Variants in MKX observed in about 807,000 individuals in gnomAD.
The protein encoded by MKX is mohawk homeobox.
In MKX, 13 loss-of-function variants were observed where a neutral mutation model predicts 36.0. That is an observed-to-expected ratio of 0.36 (90% CI 0.24 to 0.57). The LOEUF (loss-of-function observed/expected upper bound fraction) is 0.57. Among genes scored for constraint, MKX ranks in the 20% least tolerant of loss-of-function variants. The pLI, the probability that MKX is intolerant of heterozygous loss-of-function variation, is 0.79. For synonymous variants in MKX, 176 were observed against 178.3 expected (o/e 0.99, Z 0.10); for missense variants, 458 against 456.4 (o/e 1.00, Z -0.03).
chr10:27,701,770 A>C (rs1381402156), intron 5 of MKX, among the ~76,000 whole-genome samples: 1 of 146,096 alleles, frequency 6.8e-6, no homozygotes, highest in Non-Finnish European at 1.5e-5. Context: ...TATAAATTAT[A>C]ATATAAATAT....
rs1173055752 is a variant in MKX, at chr10:27,718,324, T to C, written c.838+16132A>G. ...TTTAAATATGTACTTTATTGATATG[T>C]TTTCAAAATATGATAATCTTTTCCC... On this transcript the variant is annotated intron_variant, in intron 5 of 6. Transcript: ENST00000419761. 5.3e-5 allele frequency among the ~76,000 whole-genome samples: 8 copies of C among 152,354 alleles called. No individual in the cohort carries two copies. In the South Asian group the frequency reaches 1.2e-3, roughly 24 times the overall value.
chr10:27,741,306 G>A lies in MKX; in HGVS notation c.348+39C>T, dbSNP rs779680623. 5.6e-6 allele frequency: 9 copies of A among 1,605,928 alleles called. No homozygotes were observed. In the Admixed American group the frequency reaches 1.4e-4, roughly 25 times the overall value. ...AAGCGTTCCCGCTCTTCAGCCCCTC[G>A]CGGGAAAACGGATCAGGGTGTTAAT... On this transcript the variant is annotated intron_variant, in intron 3 of 6. Transcript: ENST00000419761. The surrounding 1 kb of genome is among the most constrained non-coding windows in gnomAD (Gnocchi z 5.1).
rs572152329 is a variant in MKX at position 27,695,911 on chromosome 10, A to G, written c.839-20357T>C. 2.0e-5 allele frequency among the ~76,000 whole-genome samples: 3 copies of G among 152,334 alleles called. No individual in the cohort carries two copies. The East Asian group carries it at 5.8e-4, about 29-fold the overall frequency. ...AAGGTTACTTTAGAACTGGGAGTTT[A>G]TGATTAATTGAAGAAGTATTCAAAT... is the stretch of plus-strand genomic sequence containing the variant. On this transcript the variant is annotated intron_variant, in intron 5 of 6. Coordinates refer to ENST00000419761, the MANE Select transcript of MKX (RefSeq NM_173576.3).
chr10:27,698,839 G>T (rs1033531372), intron 5 of MKX, among the ~76,000 whole-genome samples: 1 of 151,972 alleles, frequency 6.6e-6, no homozygotes, highest in African/African-American at 2.4e-5. Context: ...TGGAAAGTCA[G>T]TCGCATATAG....
intron 5 of MKX, among the ~76,000 whole-genome samples, chr10:27,685,443 A>ATTT (rs529959736): frequency 8.9e-5 from 10 of 112,834 alleles, no homozygotes; most frequent in Non-Finnish European, 1.3e-4. Flanking sequence ...CAGCAGAGTG[A>ATTT]TTTTTTTTTT....
At chr10:27,721,458 C>T (rs559454432) in intron 5 of MKX, among the ~76,000 whole-genome samples, 20 of 152,080 alleles carry the variant, frequency 1.3e-4, no homozygotes, top group Non-Finnish European at 2.1e-4. Context: ...AAAAGAAATG[C>T]GATAATGTCC....
intron 5 of MKX, among the ~76,000 whole-genome samples, chr10:27,696,768 TCACC>T (rs1323605505): frequency 2.6e-5 from 4 of 152,168 alleles, no homozygotes; most frequent in African/African-American, 9.7e-5. Flanking sequence ...CCTACGTATA[TCACC>T]CACTCAATCA....
chr10:27,719,995 AG>A (rs1467459547), intron 5 of MKX, among the ~76,000 whole-genome samples: 2 of 113,114 alleles, frequency 1.8e-5, no homozygotes, highest in African/African-American at 3.4e-5. Context: ...AAAAAAAAAA[AG>A]AGAGAGAGAG....
chr10:27,742,181 A>C lies in MKX; in HGVS notation c.189-677T>G, dbSNP rs1405009732. 1.3e-5 allele frequency among the ~76,000 whole-genome samples: 2 copies of C among 152,138 alleles called. No individual in the cohort carries two copies. The highest frequency in any genetic ancestry group is 2.9e-5 in the Non-Finnish European group (2 of 68,018). On this transcript the variant is annotated intron_variant, in intron 2 of 6. Transcript: ENST00000419761. This position sits in a 1 kb window ranked among gnomAD's most constrained non-coding sequence, Gnocchi z 4.2. Reference sequence around the variant, plus strand: ...AAAGTACGGCAAGCTCTGTCCCATCATGTAAGGTAAAAAGACCTCAGGAAA... The same window carrying C: ...AAAGTACGGCAAGCTCTGTCCCATCCTGTAAGGTAAAAAGACCTCAGGAAA...
intron 5 of MKX, among the ~76,000 whole-genome samples, chr10:27,708,605 T>C (rs1201559976): frequency 6.6e-6 from 1 of 152,024 alleles, no homozygotes; most frequent in Non-Finnish European, 1.5e-5. Context: ...GGCGTGCGCC[T>C]CTAGTCTCAG....
At chr10:27,700,348 A>G (rs2492914) in intron 5 of MKX, among the ~76,000 whole-genome samples, 118,431 of 152,068 alleles carry the variant, frequency 0.78, 46,326 homozygotes, top group Admixed American at 0.83. Flanking sequence ...CTTTCCATCA[A>G]TTTTTGCAAC....
intron 5 of MKX, among the ~76,000 whole-genome samples, chr10:27,679,679 CT>C (rs1049014160): frequency 6.6e-6 from 1 of 151,580 alleles, no homozygotes; most frequent in South Asian, 2.1e-4. Context: ...GGAGTTGTTT[CT>C]TTTTTTTCTA....
intron 5 of MKX, among the ~76,000 whole-genome samples, chr10:27,719,073 T>C (rs1834313969): frequency 6.6e-6 from 1 of 152,226 alleles, no homozygotes. Flanking sequence ...TAAGCTTTAT[T>C]AATTTCTCTC....
chr10:27,731,981 T>C (rs1301307110), intron 5 of MKX, among the ~76,000 whole-genome samples: 1 of 65,980 alleles, frequency 1.5e-5, no homozygotes, highest in Non-Finnish European at 4.4e-5. Context: ...TTAAAATTAA[T>C]GTATTTGTCA....
chr10:27,683,800 C>A (rs898953426), intron 5 of MKX, among the ~76,000 whole-genome samples: 4 of 152,198 alleles, frequency 2.6e-5, no homozygotes, highest in Admixed American at 2.6e-4. Flanking sequence ...GTGAGTAGGG[C>A]AGGTATAAAA....
intron 5 of MKX, among the ~76,000 whole-genome samples, chr10:27,686,455 GGAAGA>G (rs150456747): frequency 0.026 from 3,796 of 145,892 alleles, 272 homozygotes; most frequent in East Asian, 0.24. Context: ...GGAAAGAGGG[GGAAGA>G]GAAGAGAAGA....
At chr10:27,686,375 AGGG>A in intron 5 of MKX, among the ~76,000 whole-genome samples, 1 of 133,000 alleles carries the variant, frequency 7.5e-6, no homozygotes, top group South Asian at 2.8e-4. Context: ...AAAGAAAGAA[AGGG>A]AAGGGAAGGG....
chr10:27,702,485 A>T (rs1836675280), intron 5 of MKX, among the ~76,000 whole-genome samples: 1 of 152,232 alleles, frequency 6.6e-6, no homozygotes, highest in Non-Finnish European at 1.5e-5. Flanking sequence ...GGAGCAGGAC[A>T]CAAAACTCTG....
chr10:27,737,521 A>C (rs1395168685), intron 3 of MKX, among the ~76,000 whole-genome samples: 1 of 152,094 alleles, frequency 6.6e-6, no homozygotes, highest in Non-Finnish European at 1.5e-5. Flanking sequence ...TTCATCTCTA[A>C]AATGGATTTG....
Sources: gnomAD v4.1 joint callset for allele counts (sites outside exome capture counted in the v4.1 genomes callset) on GRCh38, gnomAD v4.1.1 for gene constraint, Gnocchi (gnomAD v3.1) non-coding constraint, MANE v1.5 for transcripts, NCBI Gene and HGNC (gene_info 2026-07-23, HGNC 2026-07-21) for gene names.